Variants in TLN2 observed in about 807,000 individuals in gnomAD.
The protein encoded by TLN2 is talin-2.
Under a neutral mutation model 294.7 loss-of-function variants are expected in TLN2, and 118 were observed. The ratio of observed to expected loss-of-function variants is 0.40; its 90% CI spans 0.34 to 0.47. The LOEUF is 0.47. Among genes scored for constraint, TLN2 ranks in the 20% least tolerant of loss-of-function variants. TLN2 has a pLI of 0.84. For synonymous variants in TLN2, 1,431 were observed against 1,304.5 expected, an observed-to-expected ratio of 1.10 and a Z score of -2.09; for missense variants, 3,083 against 3,282.2, an observed-to-expected ratio of 0.94 and a Z score of 1.48.
rs541429888 is a variant in TLN2 at position 62,843,924 on chromosome 15, T to C, written c.*3314T>C. 40 of 152,308 alleles carry C rather than the reference T, an allele frequency of 2.6e-4. No individual in the cohort carries two copies. The highest frequency in any genetic ancestry group is 9.1e-4 in the African/African-American group (38 of 41,564). 9.4% of individuals were successfully genotyped at this position (152,308 alleles called of 1,614,324 possible). ...CTCCCAGCTTTGAGGTTCTGGGCTC[T>C]GGAAAGGCCTCTGGGATGCTGGCCT... On this transcript the variant is annotated 3_prime_UTR_variant, in exon 59 of 59. Transcript: ENST00000636159.
intron 1 of TLN2, among the ~76,000 whole-genome samples, chr15:62,479,195 G>C (rs978778462): frequency 1.3e-5 from 2 of 152,164 alleles, no homozygotes; most frequent in South Asian, 2.1e-4. Flanking sequence ...TCAAATCCCA[G>C]CTCTGTAATG....
chr15:62,440,858 C>T (rs1221718577), intron 1 of TLN2, among the ~76,000 whole-genome samples: 1 of 152,174 alleles, frequency 6.6e-6, no homozygotes, highest in African/African-American at 2.4e-5. Context: ...TCAGCAAATA[C>T]TGAAAGCACG....
chr15:62,490,305 T>A (rs2439711), intron 1 of TLN2, among the ~76,000 whole-genome samples: 21,267 of 152,186 alleles, frequency 0.14, 2,148 homozygotes, highest in East Asian at 0.44. Context: ...ATGAATTTTT[T>A]AAAAATTATT....
At chr15:62,563,439 CTTAT>C (rs2043144357) in intron 1 of TLN2, among the ~76,000 whole-genome samples, 1 of 151,958 alleles carries the variant, frequency 6.6e-6, no homozygotes, top group Admixed American at 6.6e-5. Context: ...TTTTGATGGG[CTTAT>C]TTGTTTTCTT....
intron 45 of TLN2, 132 bp from the exon 46 acceptor site, chr15:62,792,509 A>G: frequency 8.2e-7 from 1 of 1,212,270 alleles, no homozygotes; most frequent in Non-Finnish European, 1.1e-6. Context: ...CACCAAACAC[A>G]GACTCCTAAT....
At chr15:62,442,824 A>C (rs2035623588) in intron 1 of TLN2, among the ~76,000 whole-genome samples, 1 of 152,204 alleles carries the variant, frequency 6.6e-6, no homozygotes, top group Non-Finnish European at 1.5e-5. Flanking sequence ...TCCTAAACTC[A>C]AGGTGTCAGC....
chr15:62,547,941 T>A (rs1026189232), intron 1 of TLN2, among the ~76,000 whole-genome samples: 1 of 152,208 alleles, frequency 6.6e-6, no homozygotes, highest in Non-Finnish European at 1.5e-5. Flanking sequence ...GAGGTCTAAA[T>A]CGCATTTTGC....
chr15:62,700,510 C>G (rs1355711144), intron 16 of TLN2, among the ~76,000 whole-genome samples: 2 of 151,628 alleles, frequency 1.3e-5, no homozygotes, highest in Non-Finnish European at 2.9e-5. Flanking sequence ...TATGATTTGC[C>G]CGAGGTCCTG....
intron 2 of TLN2, among the ~76,000 whole-genome samples, chr15:62,604,920 C>T (rs577125855): frequency 6.6e-6 from 1 of 152,102 alleles, no homozygotes; most frequent in South Asian, 2.1e-4. Flanking sequence ...TCCTTTCCCC[C>T]ATTAAGAAAC....
Position 62,656,104 on chromosome 15 carries a change from C to A in TLN2, c.660+18C>A. The A allele has an allele frequency of 6.2e-7, 1 of 1,611,166 alleles. No individual in the cohort carries two copies. The highest frequency in any genetic ancestry group is 1.1e-5 in the South Asian group (1 of 90,930). ...ATGTTCAGGTACAGTATTTACTGCT[C>A]AGACACTGAGGTTGGTGAGATTGCA... On this transcript the variant is annotated intron_variant, in intron 8 of 58. Transcript: ENST00000636159.
chr15:62,592,250 C>A (rs1254607710), intron 2 of TLN2, among the ~76,000 whole-genome samples: 1 of 152,208 alleles, frequency 6.6e-6, no homozygotes, highest in Non-Finnish European at 1.5e-5. Context: ...TATGTGTACT[C>A]TGCGTTGATT....
At chr15:62,701,020 G>A (rs2058685865) in intron 16 of TLN2, 86 bp from the exon 17 acceptor site, 1 of 1,181,034 alleles carries the variant, frequency 8.5e-7, no homozygotes, top group African/African-American at 1.5e-5. Context: ...TAGCCAAAAT[G>A]CTGGTGTGAT....
At chr15:62,600,151 A>T (rs2046868629) in intron 2 of TLN2, among the ~76,000 whole-genome samples, 1 of 152,198 alleles carries the variant, frequency 6.6e-6, no homozygotes, top group Non-Finnish European at 1.5e-5. Context: ...ACAGTGGGTT[A>T]TACAGGACAG....
rs79207354 is a variant in TLN2, at chr15:62,532,209, C to G, written c.-237-57478C>G. ...GGACCACAAACACTTGCCACCATGCCTAATGTCGTGGGTTGTTTGTTTGTT... is the reference window on the plus strand; with the variant it reads ...GGACCACAAACACTTGCCACCATGCGTAATGTCGTGGGTTGTTTGTTTGTT... On this transcript the variant is annotated intron_variant, in intron 1 of 58. Transcript: ENST00000636159. Among the ~76,000 whole-genome samples the G allele has an allele frequency of 2.0e-5, 3 of 152,032 alleles. No individual in the cohort carries two copies. The East Asian group carries it at 5.8e-4, about 29-fold the overall frequency.
At position 62,652,018 on chromosome 15, in the gene TLN2, A is replaced by G; in HGVS notation, c.248A>G (p.Tyr83Cys). The G allele has an allele frequency of 6.2e-7, 1 of 1,610,198 alleles. No homozygotes were observed. The highest frequency in any genetic ancestry group is 8.5e-7 in the Non-Finnish European group (1 of 1,177,756). ...YMLRNGDILE[Y>C]KKKQRPQKIR... ...TTTGTGCTCTAGGATATTTTGGAAT[A>G]TAAAAAGAAACAGAGACCTCAGAAA... Residue 83 changes from tyrosine to cysteine, a missense_variant, in exon 6 of 59, where the codon TAT (tyrosine) becomes TGT (cysteine). Transcript: ENST00000636159.
chr15:62,468,716 G>A lies in TLN2; in HGVS notation c.-238+78031G>A, dbSNP rs577332662. ...GCTGAGATTGCACCACTGCACTCCA[G>A]CCTGGGCGACAGAGCTAGACTCTGT... On this transcript the variant is annotated intron_variant, in intron 1 of 58. Transcript: ENST00000636159. Among the ~76,000 whole-genome samples the A allele has an allele frequency of 3.4e-5, 5 of 148,550 alleles. No homozygotes were observed. In the East Asian group the frequency reaches 1.0e-3, roughly 31 times the overall value.
At chr15:62,733,226 C>G (rs1206037195) in intron 28 of TLN2, among the ~76,000 whole-genome samples, 3 of 152,174 alleles carry the variant, frequency 2.0e-5, no homozygotes, top group Admixed American at 6.5e-5. Context: ...GCCATAGACA[C>G]AGTTGCTGCC....
intron 1 of TLN2, among the ~76,000 whole-genome samples, chr15:62,507,891 A>C (rs546922480): frequency 6.6e-6 from 1 of 152,306 alleles, no homozygotes; most frequent in Admixed American, 6.5e-5. Flanking sequence ...TGAGAACGAG[A>C]TTCATAACTG....
rs575270331 is a variant in TLN2, at chr15:62,667,617, T to C, written c.789-6210T>C. 3.3e-5 allele frequency among the ~76,000 whole-genome samples: 5 copies of C among 152,292 alleles called. No individual in the cohort carries two copies. The South Asian group carries it at 8.3e-4, about 25-fold the overall frequency. On this transcript the variant is annotated intron_variant, in intron 9 of 58. Coordinates refer to ENST00000636159, the MANE Select transcript of TLN2 (RefSeq NM_015059.3). Reference sequence around the variant, plus strand: ...AGGTTGTAAGCCTCTCCTTTTCAAGTGATAAAAACCAACTTAGAGAAACGG... The same window carrying C: ...AGGTTGTAAGCCTCTCCTTTTCAAGCGATAAAAACCAACTTAGAGAAACGG...
Sources: gnomAD v4.1 joint callset for allele counts (sites outside exome capture counted in the v4.1 genomes callset) on GRCh38, gnomAD v4.1.1 for gene constraint, MANE v1.5 for transcripts, NCBI Gene and HGNC (gene_info 2026-07-23, HGNC 2026-07-21) for gene names.